The following TJP1 variants were observed in gnomAD, a reference collection of about 807,000 sequenced individuals.
The protein encoded by TJP1 is tight junction protein 1, also known as tight junction protein ZO-1.
Under a neutral mutation model 194.2 loss-of-function variants are expected in TJP1, and 43 were observed. That is an observed-to-expected ratio of 0.22 (90% CI 0.17 to 0.29). The LOEUF is 0.29. TJP1 is among the 10% of genes least tolerant of loss of function. The probability of loss-of-function intolerance (pLI) is 1.00; values close to 1 mark genes in which losing one functional copy is unlikely to be tolerated. For synonymous variants in TJP1, 801 were observed against 779.0 expected (o/e 1.03, Z -0.47); for missense variants, 1,971 against 2,185.7 (o/e 0.90, Z 1.96).
intron 1 of TJP1, among the ~76,000 whole-genome samples, chr15:29,967,528 G>A (rs996634219): frequency 6.6e-6 from 1 of 152,146 alleles, no homozygotes; most frequent in Non-Finnish European, 1.5e-5. Context: ...CTTTACAGAG[G>A]AAGAAACAGA....
chr15:29,896,270 T>C (rs1362143610), intron 2 of TJP1, among the ~76,000 whole-genome samples: 1 of 152,168 alleles, frequency 6.6e-6, no homozygotes, highest in Admixed American at 6.5e-5. Context: ...CTCCTGATAG[T>C]GAGTGAGTCT....
chr15:29,831,750 G>A (rs188585417), intron 2 of TJP1, among the ~76,000 whole-genome samples: 1 of 152,134 alleles, frequency 6.6e-6, no homozygotes, highest in Non-Finnish European at 1.5e-5. Flanking sequence ...ATAAGGAAGG[G>A]ACCCCTTTTT....
chr15:29,805,951 T>G (rs1238117790), intron 1 of TJP1, among the ~76,000 whole-genome samples: 1 of 152,126 alleles, frequency 6.6e-6, no homozygotes, highest in African/African-American at 2.4e-5. Context: ...ATGACTAAGT[T>G]GTACAATTTA....
chr15:29,967,539 C>T (rs773093293), intron 1 of TJP1, among the ~76,000 whole-genome samples: 17 of 152,170 alleles, frequency 1.1e-4, no homozygotes, highest in Non-Finnish European at 1.8e-4. Context: ...AAGAAACAGA[C>T]ACTCCAGGAA....
At chr15:29,774,194 G>C (rs1222338606) in intron 2 of TJP1, among the ~76,000 whole-genome samples, 2 of 152,068 alleles carry the variant, frequency 1.3e-5, no homozygotes, top group Non-Finnish European at 2.9e-5. Flanking sequence ...AACTGCCTGA[G>C]GACAAAGGTA....
exon 1 of TJP1, chr15:29,968,775 C>G: frequency 8.2e-7 from 1 of 1,220,504 alleles, no homozygotes; most frequent in Non-Finnish European, 1.1e-6. Context: ...GTCCCCGCTC[C>G]GCTCGCGGGC....
At chr15:29,773,137 T>A in intron 3 of TJP1, 96 bp downstream of exon 3, 1 of 1,421,272 alleles carries the variant, frequency 7.0e-7, no homozygotes, top group Non-Finnish European at 9.5e-7. Context: ...AGTGTGAATA[T>A]GACAAAATCA....
At position 29,968,377 on chromosome 15, in the gene TJP1, G is replaced by T. The variant is rs573778144; in HGVS notation, c.173+290C>A. On this transcript the variant is annotated intron_variant, in intron 1 of 28. Coordinates refer to the TJP1 transcript ENST00000356107. Reference sequence around the variant, plus strand: ...GACAGAGGCGGGAGGCCGACGCCCGGGTGCGGGTGCCAGGCGTCCCGGCCG... The same window carrying T: ...GACAGAGGCGGGAGGCCGACGCCCGTGTGCGGGTGCCAGGCGTCCCGGCCG... 1.1e-3 allele frequency: 1,050 copies of T among 985,348 alleles called. 10 individuals carry two copies. In the Middle Eastern group the frequency reaches 0.022, roughly 21 times the overall value. 61.0% of individuals were successfully genotyped at this position (985,348 alleles called of 1,614,324 possible).
rs1482646879 is a variant in TJP1, at chr15:29,718,375, T to G, written c.3767A>C (p.Asp1256Ala). Residue 1256 changes from aspartate to alanine, a missense_variant, in exon 21 of 28, where the codon GAT becomes GCT. Physicochemically the swap from Asp to Ala is moderately radical, Grantham distance 126. Transcript: ENST00000614355. ...PPPTQTEEEE[D>A]PAMKPQSVLT... ...TACAGACTGTGGCTTCATTGCTGGA[T>G]CTTCCTCTTCTTCGGTTTGAGTTGG... 1 of 1,614,174 alleles carries G rather than the reference T, an allele frequency of 6.2e-7. No individual in the cohort carries two copies. The highest frequency in any genetic ancestry group is 1.7e-5 in the Admixed American group (1 of 60,020).
chr15:29,772,459 T>C (rs1398353265), intron 3 of TJP1, among the ~76,000 whole-genome samples: 2 of 152,208 alleles, frequency 1.3e-5, no homozygotes, highest in African/African-American at 4.8e-5. Flanking sequence ...GTAGTACAGT[T>C]ACAGGGCATT....
At chr15:29,740,806 C>A (rs1407854322) in intron 10 of TJP1, among the ~76,000 whole-genome samples, 1 of 151,936 alleles carries the variant, frequency 6.6e-6, no homozygotes, top group African/African-American at 2.4e-5. Flanking sequence ...AGGTTCTCAA[C>A]CAATCTCAAC....
At chr15:29,862,850 G>GAC (rs2052140456) in intron 2 of TJP1, among the ~76,000 whole-genome samples, 1 of 150,422 alleles carries the variant, frequency 6.6e-6, no homozygotes, top group Non-Finnish European at 1.5e-5. Flanking sequence ...GGGTTTCACC[G>GAC]TGTTAGCCAG....
intron 23 of TJP1, among the ~76,000 whole-genome samples, chr15:29,714,963 T>C (rs2042473040): frequency 6.6e-6 from 1 of 152,326 alleles, no homozygotes. Context: ...CGGTGTTTAG[T>C]AAAAATAATA....
At chr15:29,832,240 G>T (rs2050859411) in intron 2 of TJP1, among the ~76,000 whole-genome samples, 1 of 152,098 alleles carries the variant, frequency 6.6e-6, no homozygotes, top group Admixed American at 6.5e-5. Context: ...CCTACCACAG[G>T]AGAAGTTCAG....
At chr15:29,703,587 T>C (rs373581252) in intron 27 of TJP1, among the ~76,000 whole-genome samples, 1 of 152,126 alleles carries the variant, frequency 6.6e-6, no homozygotes, top group African/African-American at 2.4e-5. Context: ...CCTGAAAAAT[T>C]TGACAGAATA....
At chr15:29,905,103 C>T (rs989364405) in intron 2 of TJP1, among the ~76,000 whole-genome samples, 4 of 152,180 alleles carry the variant, frequency 2.6e-5, no homozygotes, top group Non-Finnish European at 5.9e-5. Flanking sequence ...TTCTTTGTCA[C>T]AGCAGTCCTA....
At chr15:29,904,171 A>G (rs1243846480) in intron 2 of TJP1, among the ~76,000 whole-genome samples, 8 of 152,162 alleles carry the variant, frequency 5.3e-5, no homozygotes, top group African/African-American at 1.7e-4. Context: ...GCAGGCCACA[A>G]TGAGGGTTCA....
At chr15:29,852,942 A>G (rs2051701332) in intron 2 of TJP1, among the ~76,000 whole-genome samples, 1 of 152,048 alleles carries the variant, frequency 6.6e-6, no homozygotes, top group Admixed American at 6.6e-5. Flanking sequence ...TCACACAAAA[A>G]CCTGTACACA....
At position 29,705,821 on chromosome 15, in the gene TJP1, C is replaced by G. The variant is rs45490592; in HGVS notation, c.4851-76G>C. 1,089 of 1,259,512 alleles carry G rather than the reference C, an allele frequency of 8.6e-4. 6 individuals carry two copies. In the African/African-American group the frequency reaches 0.014, roughly 16 times the overall value. 78.0% of individuals were successfully genotyped at this position (1,259,512 alleles called of 1,614,324 possible). A position where few individuals can be genotyped will look rare whatever the true frequency, so the allele number is the denominator to read the frequency against. ...CTTTGCTTTTACTACTACTGTATTA[C>G]GTGCTTTCACTTTTATTTCTCCATA... On this transcript the variant is annotated intron_variant, in intron 25 of 27. Transcript: ENST00000614355.
Sources: gnomAD v4.1 joint callset for allele counts (sites outside exome capture counted in the v4.1 genomes callset) on GRCh38, gnomAD v4.1.1 for gene constraint, MANE v1.5 for transcripts, NCBI Gene and HGNC (gene_info 2026-07-23, HGNC 2026-07-21) for gene names.